CCDC171: variants seen among roughly 807,000 people sequenced by gnomAD.
CCDC171 encodes coiled-coil domain-containing protein 171.
CCDC171 carries 177 observed loss-of-function variants against 168.2 expected under a neutral mutation model. That is an observed-to-expected ratio of 1.05 (90% CI 0.93 to 1.19). The LOEUF is 1.19. Among genes scored for constraint, CCDC171 ranks in the 50% most tolerant of loss-of-function variants. The pLI is 0.00. For synonymous variants in CCDC171, 687 were observed against 540.8 expected (o/e 1.27, Z -3.75); for missense variants, 1,991 against 1,539.0 (o/e 1.29, Z -4.91).
chr9:15,859,909 C>T (rs1273872664), intron 23 of CCDC171, among the ~76,000 whole-genome samples: 3 of 151,876 alleles, frequency 2.0e-5, no homozygotes, highest in Non-Finnish European at 2.9e-5. Context: ...CTCAAGCACT[C>T]CTCCCACCTT....
rs773014527 is a variant in CCDC171, at chr9:15,727,889, C to T, written c.1713C>T (p.His571=). 3 of 1,608,980 alleles carry T rather than the reference C, an allele frequency of 1.9e-6. No individual in the cohort carries two copies. The highest frequency in any genetic ancestry group is 1.7e-4 in the Middle Eastern group (1 of 6,048). Residue 571 remains histidine, a synonymous_variant, in exon 15 of 26, where the codon CAC becomes CAT. Transcript: ENST00000380701. ...KDAEEKLTFL[H]TLYQHLVAGC... ...TGCAGGAGAAGCTAACCTTCCTTCA[C>T]ACCTTATATCAGCACTTGGTAGCAG...
chr9:16,043,494 A>C (rs1442745047), intron 1 of CCDC171, among the ~76,000 whole-genome samples: 1 of 152,224 alleles, frequency 6.6e-6, no homozygotes, highest in Non-Finnish European at 1.5e-5. Context: ...AGATTTCGTA[A>C]AACCATTCTC....
At chr9:15,735,897 T>C (rs1270762929) in intron 16 of CCDC171, among the ~76,000 whole-genome samples, 1 of 152,200 alleles carries the variant, frequency 6.6e-6, no homozygotes, top group Non-Finnish European at 1.5e-5. Flanking sequence ...ATAATTGCTT[T>C]AGAAATTGTT....
intron 21 of CCDC171, among the ~76,000 whole-genome samples, chr9:15,832,524 T>C (rs984279007): frequency 2.0e-5 from 3 of 152,190 alleles, no homozygotes; most frequent in Non-Finnish European, 2.9e-5. Context: ...CTGTAGGCAA[T>C]TGTAACACAG....
At chr9:16,026,350 C>A (rs1472737288) in intron 6 of CCDC171, among the ~76,000 whole-genome samples, 3 of 152,152 alleles carry the variant, frequency 2.0e-5, no homozygotes, top group Non-Finnish European at 4.4e-5. Context: ...GGTTCTCTGG[C>A]TGTGAATCCA....
intron 18 of CCDC171, among the ~76,000 whole-genome samples, chr9:15,772,623 G>C (rs2057074183): frequency 6.6e-6 from 1 of 152,224 alleles, no homozygotes; most frequent in Non-Finnish European, 1.5e-5. Flanking sequence ...GTGAAAGTAA[G>C]TAGGGACCAG....
the CCDC171 span, among the ~76,000 whole-genome samples, chr9:16,104,932 G>A: frequency 1.3e-5 from 2 of 152,116 alleles, no homozygotes; most frequent in African/African-American, 4.8e-5. Flanking sequence ...GTAGGTACCA[G>A]CAGACCATCT....
Position 15,631,768 on chromosome 9 carries a change from T to C in CCDC171, c.822+8355T>C, listed in dbSNP as rs563117155. Among the ~76,000 whole-genome samples the C allele has an allele frequency of 6.1e-3, 925 of 152,294 alleles. 7 individuals carry two copies. Among genetic ancestry groups the C allele is most frequent in the African/African-American group, 0.022 (900 of 41,546 alleles). On this transcript the variant is annotated intron_variant, in intron 7 of 25. Coordinates refer to ENST00000380701, the MANE Select transcript of CCDC171 (RefSeq NM_173550.4). ...TTGATGAAGATTGATGCAAAAATCC[T>C]CAGTAAAATACTGGCAAACTGAATC...
At chr9:16,032,833 G>A (rs570654348) in intron 6 of CCDC171, among the ~76,000 whole-genome samples, 31 of 152,300 alleles carry the variant, frequency 2.0e-4, no homozygotes, top group African/African-American at 5.8e-4. Flanking sequence ...ACCTGAGGAA[G>A]GGGTGAGAAT....
intron 25 of CCDC171, among the ~76,000 whole-genome samples, chr9:15,961,466 G>A (rs531034943): frequency 6.6e-6 from 1 of 152,246 alleles, no homozygotes; most frequent in East Asian, 1.9e-4. Context: ...TCTGCATAAG[G>A]AGTTGCATTT....
intron 11 of CCDC171, among the ~76,000 whole-genome samples, chr9:15,701,577 ATT>A (rs71304894): frequency 7.3e-4 from 89 of 122,092 alleles, no homozygotes; most frequent in African/African-American, 2.4e-3. Flanking sequence ...GTACAATTCC[ATT>A]TTTTTTTTTT....
intron 3 of CCDC171, among the ~76,000 whole-genome samples, chr9:15,982,276 G>A (rs889272761): frequency 1.2e-4 from 18 of 152,218 alleles, no homozygotes; most frequent in African/African-American, 3.4e-4. Flanking sequence ...ATGGCCCAGC[G>A]TAGTGATGTG....
intron 16 of CCDC171, 109 bp downstream of exon 16, chr9:15,729,907 T>C: frequency 1.3e-6 from 1 of 759,368 alleles, no homozygotes; most frequent in Non-Finnish European, 2.1e-6. Context: ...TCTTAAGAAC[T>C]TCGTAGAACT....
intron 24 of CCDC171, among the ~76,000 whole-genome samples, chr9:15,917,918 T>C (rs375638650): frequency 6.8e-4 from 103 of 151,884 alleles, no homozygotes; most frequent in African/African-American, 2.3e-3. Flanking sequence ...AAGAACCACA[T>C]ATTTCAGATT....
chr9:16,093,494 T>G, the CCDC171 span, among the ~76,000 whole-genome samples: 1 of 152,244 alleles, frequency 6.6e-6, no homozygotes, highest in Non-Finnish European at 1.5e-5. Flanking sequence ...GAAGAACGTT[T>G]GAAATATTCT....
At chr9:15,811,004 CTG>C (rs2135958901) in intron 21 of CCDC171, among the ~76,000 whole-genome samples, 1 of 152,374 alleles carries the variant, frequency 6.6e-6, no homozygotes, top group African/African-American at 2.4e-5. Flanking sequence ...TGGCTAGTAA[CTG>C]TCATATCAGC....
chr9:15,849,179 G>T (rs2061023542), intron 23 of CCDC171, among the ~76,000 whole-genome samples: 1 of 151,512 alleles, frequency 6.6e-6, no homozygotes, highest in Non-Finnish European at 1.5e-5. Flanking sequence ...CCCCAAACTG[G>T]TGTAATTGCA....
chr9:16,074,843 A>G, the CCDC171 span, among the ~76,000 whole-genome samples: 2 of 152,186 alleles, frequency 1.3e-5, no homozygotes, highest in African/African-American at 4.8e-5. Flanking sequence ...ATGAGAAGGG[A>G]CCAGATCCCA....
intron 24 of CCDC171, among the ~76,000 whole-genome samples, chr9:15,878,365 T>A (rs1308341856): frequency 2.6e-5 from 4 of 151,066 alleles, no homozygotes; most frequent in African/African-American, 9.7e-5. Context: ...AACAGGAGTA[T>A]GAAAAAAAAA....
Sources: allele counts gnomAD v4.1 joint callset (sites outside exome capture counted in the v4.1 genomes callset), GRCh38; gene constraint gnomAD v4.1.1; transcripts MANE v1.5; gene names NCBI Gene and HGNC (gene_info 2026-07-23, HGNC 2026-07-21).